Variants in TMPRSS3 observed in about 807,000 individuals in gnomAD.
TMPRSS3 encodes the protein transmembrane protease serine 3.
TMPRSS3 carries 55 observed loss-of-function variants against 59.6 expected under a neutral mutation model. The ratio of observed to expected loss-of-function variants is 0.92; its 90% confidence interval spans 0.74 to 1.16. TMPRSS3 has a LOEUF of 1.16. Ranked by LOEUF, TMPRSS3 falls within the 50% of genes most tolerant of loss-of-function variation. The pLI, the probability that TMPRSS3 is intolerant of heterozygous loss-of-function variation, is 0.00. For missense variants in TMPRSS3, 596 were observed against 579.4 expected, an observed-to-expected ratio of 1.03 and a Z score of -0.29; for synonymous variants, 257 against 237.7, an observed-to-expected ratio of 1.08 and a Z score of -0.75.
chr21:42,389,079 C>T, intron 3 of TMPRSS3, 34 bp from the exon 4 acceptor site: 1 of 1,612,994 alleles, frequency 6.2e-7, no homozygotes, highest in Non-Finnish European at 8.5e-7. Context: ...AATTAACCAA[C>T]AGCTCTTTCA....
At chr21:42,395,854 G>A (rs1016285658) in intron 1 of TMPRSS3, 88 bp downstream of exon 1, 16 of 451,860 alleles carry the variant, frequency 3.5e-5, no homozygotes, top group African/African-American at 1.4e-4. Flanking sequence ...GCTTTTTTGC[G>A]ATTGTTTTCA....
At position 42,388,143 on chromosome 21, in the gene TMPRSS3, C is replaced by T. The variant is rs1457927029; in HGVS notation, c.446+260G>A. On this transcript the variant is annotated intron_variant, in intron 5 of 12. Coordinates refer to ENST00000644384, the MANE Select transcript of TMPRSS3 (RefSeq NM_001256317.3). This position sits in a 1 kb window ranked among gnomAD's most constrained non-coding sequence, Gnocchi z 5.1. ...ACTTTGAAACTTTTTATTGCATGTT[C>T]GTATCTCCGATCCTGGCCTGGCCCT... Among the ~76,000 whole-genome samples the T allele has an allele frequency of 9.9e-5, 15 of 152,156 alleles. No individual in the cohort carries two copies. The highest frequency in any genetic ancestry group is 2.2e-4 in the African/African-American group (9 of 41,424).
chr21:42,383,628 G>C, intron 7 of TMPRSS3: 3 of 543,124 alleles, frequency 5.5e-6, no homozygotes, highest in Non-Finnish European at 1.0e-5. Context: ...AGGAACGAGG[G>C]GCACTGCCCG....
chr21:42,383,937 C>G, intron 7 of TMPRSS3, 33 bp downstream of exon 7: 2 of 1,612,730 alleles, frequency 1.2e-6, no homozygotes, highest in Non-Finnish European at 1.7e-6. Context: ...TGTGCTTGCT[C>G]CCCCTGGACC....
At chr21:42,394,896 C>G (rs551283936) in intron 2 of TMPRSS3, among the ~76,000 whole-genome samples, 1 of 152,216 alleles carries the variant, frequency 6.6e-6, no homozygotes, top group Admixed American at 6.5e-5. Context: ...GGAGCCACTC[C>G]GTCATCTGCT....
At chr21:42,378,495 C>A (rs2052466787) in intron 10 of TMPRSS3, among the ~76,000 whole-genome samples, 1 of 152,102 alleles carries the variant, frequency 6.6e-6, no homozygotes, top group East Asian at 1.9e-4. Flanking sequence ...GACTTGCTGT[C>A]CTTATAAGAC....
At chr21:42,386,898 C>A (rs903770553) in intron 5 of TMPRSS3, among the ~76,000 whole-genome samples, 1 of 151,902 alleles carries the variant, frequency 6.6e-6, no homozygotes, top group African/African-American at 2.4e-5. Flanking sequence ...GAACAAAATG[C>A]AGAAATAAAT....
chr21:42,394,745 G>A (rs1164908827), intron 2 of TMPRSS3, among the ~76,000 whole-genome samples: 2 of 152,110 alleles, frequency 1.3e-5, no homozygotes, highest in African/African-American at 2.4e-5. Flanking sequence ...TTCCAGAACC[G>A]GCAACCCCAC....
chr21:42,389,017 T>G lies in TMPRSS3; in HGVS notation c.234A>C (p.Arg78Ser), dbSNP rs567503320. ...GIHFDCSGKY[R>S]CRSSFKCIEL... The stretch of plus-strand genomic sequence containing the variant: ...CGATACACTTAAAGGATGAGCGACA[T>G]CTGTACTTCCCTGAGCAGTCGAAGT... Residue 78 changes from arginine to serine, a missense_variant, in exon 4 of 13, where the codon AGA (arginine) becomes AGC (serine). Physicochemically the swap from Arg to Ser is moderately radical, Grantham distance 110 (BLOSUM62 -1). Coordinates refer to ENST00000644384, the MANE Select transcript of TMPRSS3 (RefSeq NM_001256317.3). 1.9e-6 allele frequency: 3 copies of G among 1,614,052 alleles called. No homozygotes were observed. Among genetic ancestry groups the G allele is most frequent in the East Asian group, 2.2e-5 (1 of 44,900 alleles).
At chr21:42,387,200 G>A (rs2052649559) in intron 5 of TMPRSS3, among the ~76,000 whole-genome samples, 1 of 152,156 alleles carries the variant, frequency 6.6e-6, no homozygotes, top group African/African-American at 2.4e-5. Flanking sequence ...CTGCATAACA[G>A]AGCAGAGAGG....
In TMPRSS3 at chr21:42,388,484, G is replaced by T; in HGVS notation, c.365C>A (p.Ala122Asp). ...GQNAVLQVFT[A>D]ASWKTMCSDD... ...GGAGCACATGGTCTTCCACGAAGCA[G>T]CTGTGAACACCTGGAGCACGGCATT... is the stretch of plus-strand genomic sequence containing the variant. The change falls in exon 5 of 13, where the codon GCT becomes GAT. Residue 122 changes from alanine to aspartate, a missense_variant. Coordinates refer to ENST00000644384, the MANE Select transcript of TMPRSS3 (RefSeq NM_001256317.3). The surrounding 1 kb of genome is among the most constrained non-coding windows in gnomAD (Gnocchi z 5.1). The T allele has an allele frequency of 6.2e-7, 1 of 1,614,236 alleles. No homozygotes were observed. The highest frequency in any genetic ancestry group is 8.5e-7 in the Non-Finnish European group (1 of 1,180,046).
rs545953500 is a variant in TMPRSS3, at chr21:42,388,868, G to T, written c.322+61C>A. On this transcript the variant is annotated intron_variant, in intron 4 of 12. Coordinates refer to ENST00000644384, the MANE Select transcript of TMPRSS3 (RefSeq NM_001256317.3). This position sits in a 1 kb window ranked among gnomAD's most constrained non-coding sequence, Gnocchi z 5.1. The stretch of plus-strand genomic sequence containing the variant: ...CTTGGACCCATTTTACAGATGGGAA[G>T]GGTCAGGGTTGGCTTCTGCTGCTTC... 1.1e-5 allele frequency: 16 copies of T among 1,398,856 alleles called. No individual in the cohort carries two copies. Among genetic ancestry groups the T allele is most frequent in the Non-Finnish European group, 1.3e-5 (13 of 984,918 alleles). 86.7% of individuals were successfully genotyped at this position (1,398,856 alleles called of 1,614,324 possible).
At chr21:42,385,032 T>TCCCTTC (rs2052603396) in intron 6 of TMPRSS3, among the ~76,000 whole-genome samples, 1 of 134,236 alleles carries the variant, frequency 7.4e-6, no homozygotes, top group Non-Finnish European at 1.6e-5. Context: ...ACCCTCCCTC[T>TCCCTTC]CTTCCTCCCT....
chr21:42,383,586 C>T, intron 7 of TMPRSS3: 1 of 508,944 alleles, frequency 2.0e-6, no homozygotes, highest in South Asian at 2.0e-5. Context: ...GCTCCAGACC[C>T]CACCCTTGTG....
At chr21:42,384,710 C>G (rs1056321972) in intron 6 of TMPRSS3, among the ~76,000 whole-genome samples, 22 of 152,166 alleles carry the variant, frequency 1.4e-4, no homozygotes, top group Non-Finnish European at 3.2e-4. Context: ...TATTCATCCC[C>G]GACGGACAGA....
Position 42,395,421 on chromosome 21 carries a change from G to A in TMPRSS3, c.-4C>T. 6.2e-7 allele frequency: 1 copy of A among 1,613,810 alleles called. No homozygotes were observed. The highest frequency in any genetic ancestry group is 8.5e-7 in the Non-Finnish European group (1 of 1,179,704). On this transcript the variant is annotated 5_prime_UTR_variant, in exon 2 of 13. Coordinates refer to ENST00000644384, the MANE Select transcript of TMPRSS3 (RefSeq NM_001256317.3). ...CAGGCGGATCATTTTCCCCCATGGT[G>A]ACTATTTCAGGACCTCTGACATCCG...
rs1006979456 is a variant in TMPRSS3 at position 42,372,694 on chromosome 21, A to C, written c.*68T>G. Reference sequence around the variant, plus strand: ...GCTCGTGTGCAGGTTCCTACACGGGAGTCCAGGGGAGGATCGGGCTGTCTT... The same window carrying C: ...GCTCGTGTGCAGGTTCCTACACGGGCGTCCAGGGGAGGATCGGGCTGTCTT... On this transcript the variant is annotated 3_prime_UTR_variant, in exon 13 of 13. Coordinates refer to ENST00000644384, the MANE Select transcript of TMPRSS3 (RefSeq NM_001256317.3). 5.2e-6 allele frequency: 8 copies of C among 1,552,968 alleles called. No individual in the cohort carries two copies. Among genetic ancestry groups the C allele is most frequent in the Non-Finnish European group, 6.2e-6 (7 of 1,124,610 alleles).
intron 12 of TMPRSS3, 78 bp downstream of exon 12, chr21:42,375,638 C>G (rs1647360307): frequency 4.4e-6 from 7 of 1,587,772 alleles, no homozygotes; most frequent in Non-Finnish European, 5.2e-6. Context: ...GTTTTTATAG[C>G]AAGACCAGGG....
chr21:42,385,989 C>T (rs910667523), intron 5 of TMPRSS3, among the ~76,000 whole-genome samples: 2 of 152,172 alleles, frequency 1.3e-5, no homozygotes, highest in African/African-American at 4.8e-5. Context: ...ACAGGAGAGA[C>T]ATCCCTCACC....
Sources: allele counts gnomAD v4.1 joint callset (sites outside exome capture counted in the v4.1 genomes callset), GRCh38; gene constraint gnomAD v4.1.1; non-coding constraint Gnocchi (gnomAD v3.1); transcripts MANE v1.5; gene names NCBI Gene and HGNC (gene_info 2026-07-23, HGNC 2026-07-21).